Variants in TMPRSS11B observed in about 807,000 individuals in gnomAD.
The protein encoded by TMPRSS11B is transmembrane protease serine 11B.
Under a neutral mutation model 44.7 loss-of-function variants are expected in TMPRSS11B, and 53 were observed. The observed-to-expected ratio is 1.19, with a 90% confidence interval of 0.95 to 1.49. TMPRSS11B has a LOEUF of 1.49. TMPRSS11B is among the 40% of genes most tolerant of loss of function. TMPRSS11B has a pLI of 0.00. For synonymous variants in TMPRSS11B, 140 were observed against 159.2 expected (o/e 0.88, Z 0.91); for missense variants, 526 against 494.8 (o/e 1.06, Z -0.60).
Position 68,229,500 on chromosome 4 carries a change from C to T in TMPRSS11B, c.703G>A (p.Asp235Asn). The T allele has an allele frequency of 6.2e-7, 1 of 1,612,138 alleles. No homozygotes were observed. Among genetic ancestry groups the T allele is most frequent in the Non-Finnish European group, 8.5e-7 (1 of 1,178,842 alleles). ...HCFAKKNNSK[D>N]WTVNFGIVVN... ...ACAATTCCAAAGTTGACAGTCCAAT[C>T]TTTTGAATTATTTTTCCTAGAGGAC... Residue 235 changes from aspartate to asparagine, a missense_variant, in exon 8 of 10, where the codon GAT (aspartate) becomes AAT (asparagine). Coordinates refer to ENST00000332644, the MANE Select transcript of TMPRSS11B (RefSeq NM_182502.3).
chr4:68,232,425 GAA>G lies in TMPRSS11B; in HGVS notation c.470-11_470-10del. 5.0e-6 allele frequency: 8 copies of G among 1,610,350 alleles called. No individual in the cohort carries two copies. Among genetic ancestry groups the G allele is most frequent in the Non-Finnish European group, 6.8e-6 (8 of 1,178,090 alleles). The stretch of plus-strand genomic sequence containing the variant: ...AGCAGCCTTGCTGATTTCTGAAAGT[GAA>G]AAACAAAACAAAATATAAAATTGAG... On this transcript the variant is annotated splice_polypyrimidine_tract_variant and intron_variant, in intron 5 of 9. Transcript: ENST00000332644.
chr4:68,229,547 C>T (rs749682218), intron 7 of TMPRSS11B, 31 bp from the exon 8 acceptor site: 60 of 1,589,052 alleles, frequency 3.8e-5, no homozygotes, highest in East Asian at 1.8e-4. Context: ...AGAATACACT[C>T]AGTTGCTGGG....
chr4:68,230,075 G>A (rs993198782), intron 7 of TMPRSS11B, among the ~76,000 whole-genome samples: 1 of 152,104 alleles, frequency 6.6e-6, no homozygotes, highest in Non-Finnish European at 1.5e-5. Context: ...CTGCATCCAT[G>A]TTCCTGCAAA....
chr4:68,242,214 ATAATATT>A (rs1719847145), intron 1 of TMPRSS11B, among the ~76,000 whole-genome samples: 3 of 26,044 alleles, frequency 1.2e-4, no homozygotes, highest in South Asian at 3.4e-3. Flanking sequence ...TATAATATAT[ATAATATT>A]ATATTATATT....
chr4:68,227,895 T>A lies in TMPRSS11B; in HGVS notation c.*16A>T. 6.3e-7 allele frequency: 1 copy of A among 1,593,838 alleles called. No individual in the cohort carries two copies. Among genetic ancestry groups the A allele is most frequent in the Non-Finnish European group, 8.5e-7 (1 of 1,172,240 alleles). On this transcript the variant is annotated 3_prime_UTR_variant, in exon 10 of 10. Coordinates refer to ENST00000332644, the MANE Select transcript of TMPRSS11B (RefSeq NM_182502.3). ...CTACAGTGGTCTTTATGTTCCTTTG[T>A]ATAATTCCTTTTTTTTCAGAGTCCA...
In TMPRSS11B at chr4:68,245,606, G is replaced by T; in HGVS notation, c.-48C>A. 1.2e-6 allele frequency: 2 copies of T among 1,601,912 alleles called. No homozygotes were observed. Among genetic ancestry groups the T allele is most frequent in the Non-Finnish European group, 1.7e-6 (2 of 1,169,710 alleles). On this transcript the variant is annotated 5_prime_UTR_variant, in exon 1 of 10. Transcript: ENST00000332644. ...TATCAGGTATAACGGTGGTAATGAT[G>T]ATGACGAAGATAACGATAACGATGA...
At position 68,235,993 on chromosome 4, in the gene TMPRSS11B, T is replaced by C; in HGVS notation, c.308+9A>G. On this transcript the variant is annotated intron_variant, in intron 4 of 9. Coordinates refer to ENST00000332644, the MANE Select transcript of TMPRSS11B (RefSeq NM_182502.3). Reference sequence around the variant, plus strand: ...CCTTTCATAAAATCTTAAATGAACTTGTACTTACAGAAGTTTGATGACCTC... The same window carrying C: ...CCTTTCATAAAATCTTAAATGAACTCGTACTTACAGAAGTTTGATGACCTC... 3.3e-6 allele frequency: 5 copies of C among 1,529,610 alleles called. No homozygotes were observed. The highest frequency in any genetic ancestry group is 4.4e-6 in the Non-Finnish European group (5 of 1,132,802). 94.8% of individuals were successfully genotyped at this position (1,529,610 alleles called of 1,614,324 possible).
At chr4:68,241,650 T>A (rs754941594) in intron 2 of TMPRSS11B, 39 bp downstream of exon 2, 6 of 1,282,682 alleles carry the variant, frequency 4.7e-6, no homozygotes, top group Non-Finnish European at 6.7e-6. Flanking sequence ...ATTTAAAGAT[T>A]TATAGCAAGG....
rs1426950596 is a variant in TMPRSS11B, at chr4:68,245,648, G to A, written c.-90C>T. On this transcript the variant is annotated 5_prime_UTR_variant, in exon 1 of 10. Transcript: ENST00000332644. ...TAACGATGACAATGCTGGTAATAGT[G>A]ATGACAAAAGTTAGAACCTTCTGAC... The A allele has an allele frequency of 1.1e-5, 16 of 1,497,012 alleles. No homozygotes were observed. In the East Asian group the frequency reaches 3.4e-4, roughly 32 times the overall value. 92.7% of individuals were successfully genotyped at this position (1,497,012 alleles called of 1,614,324 possible). A position where few individuals can be genotyped will look rare whatever the true frequency, so the allele number is the denominator to read the frequency against.
intron 2 of TMPRSS11B, among the ~76,000 whole-genome samples, chr4:68,239,600 T>G (rs185626755): frequency 6.6e-6 from 1 of 152,320 alleles, no homozygotes; most frequent in Admixed American, 6.5e-5. Context: ...GATTTTCAGT[T>G]TTACAGACAT....
At chr4:68,232,898 T>C (rs1719556787) in intron 5 of TMPRSS11B, among the ~76,000 whole-genome samples, 1 of 139,148 alleles carries the variant, frequency 7.2e-6, no homozygotes, top group East Asian at 2.2e-4. Context: ...ATGATAGAGA[T>C]TTCTTTCCCA....
intron 1 of TMPRSS11B, among the ~76,000 whole-genome samples, chr4:68,243,234 T>C (rs1426861472): frequency 6.6e-6 from 1 of 152,202 alleles, no homozygotes; most frequent in African/African-American, 2.4e-5. Flanking sequence ...ACAGAAGAGT[T>C]TGTAATCAGG....
rs1440377038 is a variant in TMPRSS11B, at chr4:68,239,608, C to G, written c.124+2081G>C. Reference sequence around the variant, plus strand: ...GGTCAGTGATTTTCAGTTTTACAGACATAGCAACAGTAATCTTTACATGGT... The same window carrying G: ...GGTCAGTGATTTTCAGTTTTACAGAGATAGCAACAGTAATCTTTACATGGT... On this transcript the variant is annotated intron_variant, in intron 2 of 9. Coordinates refer to ENST00000332644, the MANE Select transcript of TMPRSS11B (RefSeq NM_182502.3). Among the ~76,000 whole-genome samples the G allele has an allele frequency of 2.0e-5, 3 of 152,226 alleles. No homozygotes were observed. In the East Asian group the frequency reaches 5.8e-4, roughly 29 times the overall value.
chr4:68,228,938 A>G, intron 8 of TMPRSS11B, 54 bp from the exon 9 acceptor site: 2 of 1,567,520 alleles, frequency 1.3e-6, no homozygotes, highest in East Asian at 4.5e-5. Context: ...GCTGGGACAA[A>G]GAATATCTAC....
intron 9 of TMPRSS11B, 105 bp downstream of exon 9, chr4:68,228,637 A>G: frequency 8.7e-7 from 1 of 1,147,908 alleles, no homozygotes. Flanking sequence ...ATTGAAATAC[A>G]AAGCTACTAT....
At chr4:68,243,320 A>T (rs1719908599) in intron 1 of TMPRSS11B, among the ~76,000 whole-genome samples, 1 of 152,114 alleles carries the variant, frequency 6.6e-6, no homozygotes, top group Non-Finnish European at 1.5e-5. Flanking sequence ...GGACCAACTG[A>T]CTTTTAGGTA....
chr4:68,234,685 C>A lies in TMPRSS11B; in HGVS notation c.309-62G>T, dbSNP rs1719614534. The A allele has an allele frequency of 2.6e-6, 4 of 1,512,544 alleles. No individual in the cohort carries two copies. The African/African-American group carries it at 5.6e-5, about 21-fold the overall frequency. 93.7% of individuals were successfully genotyped at this position (1,512,544 alleles called of 1,614,324 possible). ...TGATCTTTTAGAGGTTTTGTGAACACATTAAATTTCACACATTTTAATTAT... is the reference window on the plus strand; with the variant it reads ...TGATCTTTTAGAGGTTTTGTGAACAAATTAAATTTCACACATTTTAATTAT... On this transcript the variant is annotated intron_variant, in intron 4 of 9. Transcript: ENST00000332644.
intron 9 of TMPRSS11B, among the ~76,000 whole-genome samples, 183 bp from the exon 10 acceptor site, chr4:68,228,255 T>C (rs1577974160): frequency 6.6e-6 from 1 of 152,314 alleles, no homozygotes; most frequent in East Asian, 1.9e-4. Context: ...ATATATGGCC[T>C]AAAACTGCCA....
Position 68,236,299 on chromosome 4 carries a change from TTTTAAAGTGGAAAGTGAC to T in TMPRSS11B, c.125-51_125-34del, listed in dbSNP as rs755176596. The stretch of plus-strand genomic sequence containing the variant: ...ATTAAGAAAAAAAAACCTCAAAGAA[TTTTAAAGTGGAAAGTGAC>T]TTTAAAGCGATTTATACCTCTGCCT... On this transcript the variant is annotated intron_variant, in intron 2 of 9. Coordinates refer to ENST00000332644, the MANE Select transcript of TMPRSS11B (RefSeq NM_182502.3). The T allele has an allele frequency of 1.9e-5, 26 of 1,399,210 alleles. No homozygotes were observed. The South Asian group carries it at 2.9e-4, about 15-fold the overall frequency. 86.7% of individuals were successfully genotyped at this position (1,399,210 alleles called of 1,614,324 possible).
Sources: allele counts gnomAD v4.1 joint callset (sites outside exome capture counted in the v4.1 genomes callset), GRCh38; gene constraint gnomAD v4.1.1; transcripts MANE v1.5; gene names NCBI Gene and HGNC (gene_info 2026-07-23, HGNC 2026-07-21).